RAP1GDS1: variants seen among roughly 807,000 people sequenced by gnomAD.
RAP1GDS1 encodes the protein RAP1, GTP-GDP dissociation stimulator 1.
In RAP1GDS1, 35 loss-of-function variants were observed where a neutral mutation model predicts 71.1. The observed-to-expected ratio is 0.49, with a 90% CI of 0.38 to 0.65. RAP1GDS1 has a LOEUF of 0.65. Among genes scored for constraint, RAP1GDS1 ranks in the 30% least tolerant of loss-of-function variants. RAP1GDS1 has a pLI of 0.00. For synonymous variants in RAP1GDS1, 229 were observed against 243.1 expected (o/e 0.94, Z 0.54); for missense variants, 663 against 706.1 (o/e 0.94, Z 0.69).
At chr4:98,377,956 T>C (rs1481085712) in intron 4 of RAP1GDS1, among the ~76,000 whole-genome samples, 1 of 151,900 alleles carries the variant, frequency 6.6e-6, no homozygotes, top group African/African-American at 2.4e-5. Context: ...TTTGAAGATA[T>C]ATTGTGAAGA....
intron 13 of RAP1GDS1, 108 bp downstream of exon 13, chr4:98,434,170 T>TA: frequency 7.5e-7 from 1 of 1,332,380 alleles, no homozygotes; most frequent in Non-Finnish European, 1.0e-6. Context: ...AGCATTTTGC[T>TA]AGTGTCTGTA....
intron 13 of RAP1GDS1, 141 bp downstream of exon 13, chr4:98,434,203 A>G: frequency 2.9e-6 from 3 of 1,025,880 alleles, no homozygotes; most frequent in South Asian, 1.9e-5. Flanking sequence ...TCTATGGAAA[A>G]TCATTCTATA....
At chr4:98,426,409 C>T (rs1367787340) in intron 12 of RAP1GDS1, among the ~76,000 whole-genome samples, 1 of 151,644 alleles carries the variant, frequency 6.6e-6, no homozygotes, top group Admixed American at 6.6e-5. Context: ...ACAAAAAAGA[C>T]AATACAAAAG....
chr4:98,291,583 A>T (rs1726926044), intron 1 of RAP1GDS1, among the ~76,000 whole-genome samples: 1 of 152,166 alleles, frequency 6.6e-6, no homozygotes, highest in Admixed American at 6.6e-5. Context: ...TAAGCATATG[A>T]GTCGTCTGCT....
chr4:98,346,836 G>T (rs967096304), intron 3 of RAP1GDS1, among the ~76,000 whole-genome samples: 1 of 152,098 alleles, frequency 6.6e-6, no homozygotes, highest in Non-Finnish European at 1.5e-5. Flanking sequence ...GAGCCACTGC[G>T]CCCGGCCAGT....
At chr4:98,267,334 G>A (rs753662783) in intron 1 of RAP1GDS1, among the ~76,000 whole-genome samples, 2 of 152,034 alleles carry the variant, frequency 1.3e-5, no homozygotes, top group Non-Finnish European at 2.9e-5. Context: ...TTTAGTTTAG[G>A]TTCAGAGGGT....
chr4:98,434,214 T>C, intron 13 of RAP1GDS1, 152 bp downstream of exon 13: 1 of 979,392 alleles, frequency 1.0e-6, no homozygotes, highest in Non-Finnish European at 1.5e-6. Flanking sequence ...TCATTCTATA[T>C]AGATTGTTAC....
At chr4:98,271,255 A>G (rs534682159) in intron 1 of RAP1GDS1, among the ~76,000 whole-genome samples, 6 of 152,158 alleles carry the variant, frequency 3.9e-5, no homozygotes, top group Non-Finnish European at 8.8e-5. Context: ...ACATCTTTGT[A>G]TTTAGCAGAT....
chr4:98,443,260 C>T lies in RAP1GDS1; in HGVS notation c.*1143C>T. On this transcript the variant is annotated 3_prime_UTR_variant, in exon 15 of 15. Coordinates refer to ENST00000408927, the MANE Select transcript of RAP1GDS1 (RefSeq NM_001100427.2). ...TTAGAGTTTGCCACCTCCACTTTCCCACTGAGAACTGCAGCAATTTTAAAG... is the reference window on the plus strand; with the variant it reads ...TTAGAGTTTGCCACCTCCACTTTCCTACTGAGAACTGCAGCAATTTTAAAG... The T allele has an allele frequency of 4.3e-6, 1 of 232,586 alleles. No homozygotes were observed. The highest frequency in any genetic ancestry group is 8.5e-6 in the Non-Finnish European group (1 of 117,752). The allele number at this position is 232,586 out of a possible 1,614,324, so 14.4% of individuals were successfully genotyped here.
At chr4:98,282,632 T>A (rs1312231781) in intron 1 of RAP1GDS1, among the ~76,000 whole-genome samples, 2 of 151,936 alleles carry the variant, frequency 1.3e-5, no homozygotes, top group African/African-American at 4.8e-5. Flanking sequence ...GGTTCTGCTC[T>A]GATCTTAGTT....
At chr4:98,407,612 G>A (rs534812763) in intron 7 of RAP1GDS1, among the ~76,000 whole-genome samples, 4 of 152,232 alleles carry the variant, frequency 2.6e-5, no homozygotes, top group East Asian at 1.9e-4. Flanking sequence ...CTCACAAGTG[G>A]CAGCTACGCT....
At chr4:98,278,837 A>G (rs971407426) in intron 1 of RAP1GDS1, among the ~76,000 whole-genome samples, 2 of 152,086 alleles carry the variant, frequency 1.3e-5, no homozygotes, top group African/African-American at 4.8e-5. Context: ...GATCTGTTGG[A>G]TTTTTTCTTT....
chr4:98,300,297 G>C (rs531601264), intron 2 of RAP1GDS1, among the ~76,000 whole-genome samples: 2 of 152,270 alleles, frequency 1.3e-5, no homozygotes, highest in South Asian at 2.1e-4. Context: ...ATGATCGCTA[G>C]CATCTTTTAG....
intron 1 of RAP1GDS1, among the ~76,000 whole-genome samples, chr4:98,286,828 G>C (rs1726104022): frequency 6.9e-6 from 1 of 145,758 alleles, no homozygotes; most frequent in African/African-American, 2.5e-5. Flanking sequence ...GGAGGTTGTA[G>C]TGAGCCAAGA....
intron 3 of RAP1GDS1, among the ~76,000 whole-genome samples, chr4:98,343,682 A>G (rs1735823450): frequency 1.3e-5 from 2 of 152,208 alleles, no homozygotes; most frequent in Non-Finnish European, 2.9e-5. Context: ...TGGCACTTCA[A>G]CAGTATAGTT....
At chr4:98,326,887 G>T (rs1733184530) in intron 2 of RAP1GDS1, among the ~76,000 whole-genome samples, 1 of 152,158 alleles carries the variant, frequency 6.6e-6, no homozygotes, top group South Asian at 2.1e-4. Flanking sequence ...GTGTGTGCCT[G>T]TAAGAGCTAG....
intron 6 of RAP1GDS1, among the ~76,000 whole-genome samples, chr4:98,401,480 GTA>G (rs1745399536): frequency 2.0e-5 from 3 of 152,136 alleles, no homozygotes; most frequent in African/African-American, 7.2e-5. Flanking sequence ...GTACAAATAT[GTA>G]GTTTAGATAA....
intron 4 of RAP1GDS1, among the ~76,000 whole-genome samples, chr4:98,369,648 A>G (rs1376277132): frequency 6.6e-6 from 1 of 152,242 alleles, no homozygotes; most frequent in Non-Finnish European, 1.5e-5. Context: ...ATGCAAAGTA[A>G]TCTATACTGA....
chr4:98,360,401 C>CT (rs1738560548), intron 4 of RAP1GDS1, among the ~76,000 whole-genome samples: 1 of 139,732 alleles, frequency 7.2e-6, no homozygotes, highest in Non-Finnish European at 1.6e-5. Context: ...GGCTTTAGAA[C>CT]TTTCCTTTCC....
Sources: gnomAD v4.1 joint callset for allele counts (sites outside exome capture counted in the v4.1 genomes callset) on GRCh38, gnomAD v4.1.1 for gene constraint, MANE v1.5 for transcripts, NCBI Gene and HGNC (gene_info 2026-07-23, HGNC 2026-07-21) for gene names.